Variants in ETS1 observed in about 807,000 individuals in gnomAD.
ETS1 encodes the protein ETS proto-oncogene 1, transcription factor.
ETS1 carries 15 observed loss-of-function variants against 58.6 expected under a neutral mutation model. The ratio of observed to expected loss-of-function variants is 0.26; its 90% CI spans 0.17 to 0.39. The LOEUF (loss-of-function observed/expected upper bound fraction) is 0.39, where lower values mean the gene tolerates loss of function less well. Ranked by LOEUF, ETS1 falls within the 10% of genes least tolerant of loss-of-function variation. The probability of loss-of-function intolerance (pLI) is 1.00; values close to 1 mark genes in which losing one functional copy is unlikely to be tolerated. For missense variants in ETS1, 417 were observed against 610.5 expected, an observed-to-expected ratio of 0.68 and a Z score of 3.34; for synonymous variants, 214 against 218.2, an observed-to-expected ratio of 0.98 and a Z score of 0.17.
intron 3 of ETS1, among the ~76,000 whole-genome samples, chr11:128,503,735 C>G (rs1767244634): frequency 6.6e-6 from 1 of 152,112 alleles, no homozygotes; most frequent in African/African-American, 2.4e-5. Context: ...CTGAATCATC[C>G]CAGTGTAATT....
intron 1 of ETS1, among the ~76,000 whole-genome samples, chr11:128,577,160 A>G (rs1386714522): frequency 6.6e-6 from 1 of 152,188 alleles, no homozygotes; most frequent in Non-Finnish European, 1.5e-5. Flanking sequence ...AAATGAATGA[A>G]TTGGTCTCAC....
At chr11:128,561,800 GC>G (rs769696283) in intron 2 of ETS1, among the ~76,000 whole-genome samples, 1 of 152,178 alleles carries the variant, frequency 6.6e-6, no homozygotes, top group South Asian at 2.1e-4. Context: ...TGGAGTGAGG[GC>G]AACTTGGTGG....
intron 4 of ETS1, 127 bp from the exon 5 acceptor site, chr11:128,489,617 A>G (rs996007195): frequency 1.4e-6 from 1 of 728,890 alleles, no homozygotes; most frequent in Non-Finnish European, 2.4e-6. Flanking sequence ...ATGAGGAAGC[A>G]TCAGCCTAGC....
chr11:128,573,548 T>C (rs1054488695), intron 1 of ETS1, among the ~76,000 whole-genome samples: 1 of 151,860 alleles, frequency 6.6e-6, no homozygotes, highest in Non-Finnish European at 1.5e-5. Flanking sequence ...AATTAATTGA[T>C]AAAGGAATAA....
intron 3 of ETS1, among the ~76,000 whole-genome samples, chr11:128,531,722 C>G (rs1863900681): frequency 6.6e-6 from 1 of 152,202 alleles, no homozygotes; most frequent in Non-Finnish European, 1.5e-5. Context: ...TGAATTTCTT[C>G]CAGTATTGGG....
rs1341317188 is a variant in ETS1, at chr11:128,585,316, GAA to G, written c.-15+2170_-15+2171del. Among the ~76,000 whole-genome samples the G allele has an allele frequency of 1.0e-3, 13 of 12,388 alleles. 1 individual carries two copies. In the South Asian group the frequency reaches 0.02, roughly 19 times the overall value. The allele number at this position is 12,388 out of a possible 152,430, so 8.1% of individuals were successfully genotyped here. On this transcript the variant is annotated intron_variant, in intron 1 of 9. Transcript: ENST00000392668. Reference sequence around the variant, plus strand: ...ATAGAAAGGGAGGGAAGGGAGGGAAGAAGGAAGGAAGGAAGCAAGGAAGGAAG... The same window carrying G: ...ATAGAAAGGGAGGGAAGGGAGGGAAGGGAAGGAAGGAAGCAAGGAAGGAAG...
intron 1 of ETS1, among the ~76,000 whole-genome samples, chr11:128,585,039 A>G (rs1320824039): frequency 0.033 from 464 of 14,056 alleles, 75 homozygotes; most frequent in Admixed American, 0.043. Context: ...AAGAAAAGAA[A>G]GAAAGAAAGA....
At chr11:128,534,668 C>T (rs1164123700) in intron 3 of ETS1, among the ~76,000 whole-genome samples, 1 of 152,206 alleles carries the variant, frequency 6.6e-6, no homozygotes, top group African/African-American at 2.4e-5. Flanking sequence ...TAAGTAAGAA[C>T]AGACAGTGTT....
At chr11:128,570,488 C>T (rs985010973) in intron 2 of ETS1, among the ~76,000 whole-genome samples, 6 of 152,044 alleles carry the variant, frequency 3.9e-5, no homozygotes, top group African/African-American at 9.7e-5. Context: ...CTGATCCGCC[C>T]GCCTCAGCCT....
rs1341305421 is a variant in ETS1 at position 128,549,577 on chromosome 11, C to T, written c.214+6714G>A. 1.3e-5 allele frequency among the ~76,000 whole-genome samples: 2 copies of T among 152,014 alleles called. No individual in the cohort carries two copies. Among genetic ancestry groups the T allele is most frequent in the African/African-American group, 4.8e-5 (2 of 41,414 alleles). ...AGTCCCAGCGCAATGCTGTTACTTCCTAGGATGTTCGAGAAGCTGCGAGTT... is the reference window on the plus strand; with the variant it reads ...AGTCCCAGCGCAATGCTGTTACTTCTTAGGATGTTCGAGAAGCTGCGAGTT... On this transcript the variant is annotated intron_variant, in intron 3 of 9. Coordinates refer to ENST00000392668, the MANE Select transcript of ETS1 (RefSeq NM_001143820.2). The surrounding 1 kb of genome is among the most constrained non-coding windows in gnomAD (Gnocchi z 4.3).
rs79705320 is a variant in ETS1, at chr11:128,467,560, C to T, written c.1124-3933G>A. Among the ~76,000 whole-genome samples the T allele has an allele frequency of 5.6e-4, 85 of 152,288 alleles. 1 individual carries two copies. In the East Asian group the frequency reaches 0.01, roughly 19 times the overall value. ...ATTCCCCCTGCAACTCCCCCTTATCCCTGTGCCCAGCCTCTTCCACCTACC... is the reference window on the plus strand; with the variant it reads ...ATTCCCCCTGCAACTCCCCCTTATCTCTGTGCCCAGCCTCTTCCACCTACC... On this transcript the variant is annotated intron_variant, in intron 8 of 9. Coordinates refer to ENST00000392668, the MANE Select transcript of ETS1 (RefSeq NM_001143820.2).
chr11:128,485,441 G>A (rs1426358612), intron 6 of ETS1, among the ~76,000 whole-genome samples: 2 of 152,050 alleles, frequency 1.3e-5, no homozygotes, highest in Non-Finnish European at 2.9e-5. Flanking sequence ...TTGTAATAAC[G>A]TAAAAAGATA....
At chr11:128,467,306 G>T (rs1862065456) in intron 8 of ETS1, among the ~76,000 whole-genome samples, 1 of 152,162 alleles carries the variant, frequency 6.6e-6, no homozygotes, top group South Asian at 2.1e-4. Context: ...GGGGTTGGAA[G>T]GCACACTGGC....
At chr11:128,486,583 A>G (rs1862638931) in intron 5 of ETS1, among the ~76,000 whole-genome samples, 1 of 152,174 alleles carries the variant, frequency 6.6e-6, no homozygotes, top group Non-Finnish European at 1.5e-5. Context: ...TAGGCCATAG[A>G]TTTTACGTTC....
chr11:128,506,309 A>T (rs1370038298), intron 3 of ETS1, among the ~76,000 whole-genome samples: 1 of 152,196 alleles, frequency 6.6e-6, no homozygotes, highest in East Asian at 1.9e-4. Context: ...AAAAAAAGTA[A>T]ATGTTAGAGA....
Position 128,474,781 on chromosome 11 carries a change from G to A in ETS1, c.1123+5410C>T, listed in dbSNP as rs538435099. Among the ~76,000 whole-genome samples, 3 of 152,194 alleles carry A rather than the reference G, an allele frequency of 2.0e-5. No homozygotes were observed. In the East Asian group the frequency reaches 5.8e-4, roughly 29 times the overall value. On this transcript the variant is annotated intron_variant, in intron 8 of 9. Coordinates refer to ENST00000392668, the MANE Select transcript of ETS1 (RefSeq NM_001143820.2). ...AAGCTGAGGGGGCTGCCAGCTTCCTGCAACTAGTTAATCACAACAGCCTCT... is the reference window on the plus strand; with the variant it reads ...AAGCTGAGGGGGCTGCCAGCTTCCTACAACTAGTTAATCACAACAGCCTCT...
chr11:128,556,221 T>G, intron 3 of ETS1, 70 bp downstream of exon 3: 1 of 1,342,838 alleles, frequency 7.4e-7, no homozygotes, highest in South Asian at 1.4e-5. Context: ...TTTGAAAGAA[T>G]GCAGCCCTCA....
chr11:128,569,730 G>A (rs1864587579), intron 2 of ETS1, among the ~76,000 whole-genome samples: 1 of 152,170 alleles, frequency 6.6e-6, no homozygotes, highest in South Asian at 2.1e-4. Context: ...ATTAGAGAAA[G>A]AGTATGTGAA....
chr11:128,490,436 T>C (rs562384480), intron 4 of ETS1, 21 bp downstream of exon 4: 1 of 1,613,692 alleles, frequency 6.2e-7, no homozygotes, highest in African/African-American at 1.3e-5. Context: ...AACCACTCTT[T>C]TTCCAACTAC....
Sources: allele counts gnomAD v4.1 joint callset (sites outside exome capture counted in the v4.1 genomes callset), GRCh38; gene constraint gnomAD v4.1.1; non-coding constraint Gnocchi (gnomAD v3.1); transcripts MANE v1.5; gene names NCBI Gene and HGNC (gene_info 2026-07-23, HGNC 2026-07-21).